The following IL23R variants were observed in gnomAD, a reference collection of about 807,000 sequenced individuals.
The protein encoded by IL23R is interleukin 23 receptor, also known as interleukin-23 receptor.
A neutral mutation model predicts 56.9 loss-of-function variants in IL23R; 34 were observed. The observed-to-expected ratio is 0.60, with a 90% CI of 0.45 to 0.80. The LOEUF is 0.80. IL23R is among the 30% of genes least tolerant of loss of function. The pLI, the probability that IL23R is intolerant of heterozygous loss-of-function variation, is 0.00. For missense variants in IL23R, 635 were observed against 730.0 expected (o/e 0.87, Z 1.50); for synonymous variants, 230 against 249.2 (o/e 0.92, Z 0.73).
At chr1:67,239,823 G>A (rs868572874) in intron 8 of IL23R, among the ~76,000 whole-genome samples, 1 of 152,144 alleles carries the variant, frequency 6.6e-6, no homozygotes, top group Non-Finnish European at 1.5e-5. Context: ...TTTAGACATT[G>A]TTACAGCAAT....
chr1:67,189,373 T>G (rs541407124), intron 4 of IL23R, among the ~76,000 whole-genome samples: 9 of 152,208 alleles, frequency 5.9e-5, no homozygotes, highest in Non-Finnish European at 1.0e-4. Flanking sequence ...ATATATATTT[T>G]ATAAATTATT....
At chr1:67,254,274 G>A (rs1330107990) in intron 9 of IL23R, among the ~76,000 whole-genome samples, 2 of 151,908 alleles carry the variant, frequency 1.3e-5, no homozygotes, top group African/African-American at 4.8e-5. Context: ...TCACCATGTT[G>A]GCCAGGCTGC....
chr1:67,208,232 A>G (rs1483004930), intron 6 of IL23R, among the ~76,000 whole-genome samples: 2 of 152,196 alleles, frequency 1.3e-5, no homozygotes, highest in African/African-American at 4.8e-5. Context: ...AGTTCAGAAA[A>G]TTTGTGGCCT....
intron 4 of IL23R, among the ~76,000 whole-genome samples, chr1:67,192,029 T>C (rs1161262627): frequency 6.6e-6 from 1 of 152,122 alleles, no homozygotes; most frequent in Non-Finnish European, 1.5e-5. Context: ...AGAATATAAA[T>C]AAGGAGTATA....
chr1:67,145,609 C>T (rs572635683), intron 1 of IL23R, among the ~76,000 whole-genome samples: 6 of 152,174 alleles, frequency 3.9e-5, no homozygotes, highest in South Asian at 2.1e-4. Flanking sequence ...CACTATTGTG[C>T]GGTGTTTGGC....
Position 67,158,369 on chromosome 1 carries a change from G to A in IL23R, c.-633-9723G>A, listed in dbSNP as rs188355073. Among the ~76,000 whole-genome samples, 233 of 152,356 alleles carry A rather than the reference G, an allele frequency of 1.5e-3. 1 individual carries two copies. The highest frequency in any genetic ancestry group is 5.4e-3 in the African/African-American group (226 of 41,590). ...AGCTGGAGGTGTTCACTAGAAACTT[G>A]TAATGAAGTAGAATTGGACAGCAGC... On this transcript the variant is annotated intron_variant, in intron 1 of 10. Coordinates refer to the IL23R transcript ENST00000637002.
Position 67,255,909 on chromosome 1 carries a change from T to C in IL23R, c.1221T>C (p.Asn407=), listed in dbSNP as rs1208319440. 3 of 1,598,896 alleles carry C rather than the reference T, an allele frequency of 1.9e-6. No homozygotes were observed. In the African/African-American group the frequency reaches 4.0e-5, roughly 21 times the overall value. ...YEDIPNMKNS[N]VVKMLQENSE... ...ATATTCCTAATATGAAAAACAGCAA[T>C]GTTGTGAAAATGCTACAGGTAACCT... The change falls in exon 10 of 11, where the codon AAT becomes AAC. Residue 407 remains asparagine (N), a synonymous_variant. Transcript: ENST00000347310.
chr1:67,247,890 T>C (rs1652344694), intron 9 of IL23R, among the ~76,000 whole-genome samples: 1 of 152,196 alleles, frequency 6.6e-6, no homozygotes, highest in South Asian at 2.1e-4. Flanking sequence ...TTTGGCTGGA[T>C]ATGAAATTCT....
chr1:67,233,246 AT>A (rs1651226222), intron 7 of IL23R, among the ~76,000 whole-genome samples: 1 of 150,966 alleles, frequency 6.6e-6, no homozygotes, highest in Non-Finnish European at 1.5e-5. Flanking sequence ...TGCTCCTGTA[AT>A]CCCAGCTACT....
intron 3 of IL23R, among the ~76,000 whole-genome samples, chr1:67,170,750 G>A (rs983643066): frequency 2.0e-5 from 3 of 152,156 alleles, no homozygotes; most frequent in African/African-American, 7.2e-5. Context: ...CTCAGTTCTT[G>A]CTTCTTCTTC....
At chr1:67,186,999 G>C (rs1647386778) in intron 4 of IL23R, among the ~76,000 whole-genome samples, 1 of 151,838 alleles carries the variant, frequency 6.6e-6, no homozygotes, top group Non-Finnish European at 1.5e-5. Flanking sequence ...GAACTTTTTG[G>C]TTGTTTCCAC....
At chr1:67,265,873 C>CAA in the IL23R span, among the ~76,000 whole-genome samples, 1 of 141,604 alleles carries the variant, frequency 7.1e-6, no homozygotes, top group African/African-American at 2.6e-5. Context: ...GACCCTGTCT[C>CAA]AAAAAAAAAA....
In IL23R at chr1:67,140,167, A is replaced by C. The variant is rs1477057159; in HGVS notation, c.-634+1006A>C. Among the ~76,000 whole-genome samples, 5 of 152,212 alleles carry C rather than the reference A, an allele frequency of 3.3e-5. No homozygotes were observed. The East Asian group carries it at 7.7e-4, about 23-fold the overall frequency. On this transcript the variant is annotated intron_variant, in intron 1 of 10. Transcript: ENST00000637002. ...CATTTTCAGATATTCTGTTACAAGC[A>C]ACAGAAAATGGACTAAGATAGCATC...
intron 6 of IL23R, among the ~76,000 whole-genome samples, chr1:67,214,868 C>A (rs1392677724): frequency 6.6e-6 from 1 of 152,218 alleles, no homozygotes; most frequent in African/African-American, 2.4e-5. Flanking sequence ...GAAACCAGGA[C>A]TGGGCCTGCC....
At chr1:67,228,005 TCTTTCTTTCTTTCTTC>T (rs1650778036) in intron 7 of IL23R, among the ~76,000 whole-genome samples, 12 of 109,488 alleles carry the variant, frequency 1.1e-4, no homozygotes, top group African/African-American at 2.3e-4. Flanking sequence ...TTTCTTTCTT[TCTTTCTTTCTTTCTTC>T]CTTTCTTTCT....
intron 9 of IL23R, among the ~76,000 whole-genome samples, chr1:67,252,217 T>C (rs1256411912): frequency 1.3e-5 from 2 of 152,190 alleles, no homozygotes; most frequent in East Asian, 1.9e-4. Flanking sequence ...GTTCCCTTGA[T>C]GAACTTAGCC....
At chr1:67,189,317 TCCTGA>T (rs1647575937) in intron 4 of IL23R, among the ~76,000 whole-genome samples, 1 of 152,158 alleles carries the variant, frequency 6.6e-6, no homozygotes, top group Non-Finnish European at 1.5e-5. Context: ...AATAGACATT[TCCTGA>T]ATCTCCCCTT....
At position 67,258,552 on chromosome 1, in the gene IL23R, A is replaced by G. The variant is rs753749606; in HGVS notation, c.1314A>G (p.Lys438=). ...LYVDPMITEI[K]EIFIPEHKPT... is the part of the protein sequence containing the mutation. ...TTGATCCCATGATTACAGAGATAAA[A>G]GAAATCTTCATCCCAGAACACAAGC... The change falls in exon 11 of 11, where the codon AAA becomes AAG. Residue 438 remains lysine, a synonymous_variant. Transcript: ENST00000347310. 8.1e-6 allele frequency: 13 copies of G among 1,608,896 alleles called. No individual in the cohort carries two copies. The highest frequency in any genetic ancestry group is 2.7e-5 in the African/African-American group (2 of 74,774).
chr1:67,248,206 G>A (rs1046590338), intron 9 of IL23R, among the ~76,000 whole-genome samples: 14 of 152,162 alleles, frequency 9.2e-5, no homozygotes, highest in African/African-American at 3.4e-4. Context: ...CCTGAAATGT[G>A]TTTTACAACT....
Sources: allele counts gnomAD v4.1 joint callset (sites outside exome capture counted in the v4.1 genomes callset), GRCh38; gene constraint gnomAD v4.1.1; transcripts MANE v1.5; gene names NCBI Gene and HGNC (gene_info 2026-07-23, HGNC 2026-07-21).